Variants in ZBBX observed in about 807,000 individuals in gnomAD.
ZBBX encodes zinc finger B-box domain containing.
In ZBBX, 101 loss-of-function variants were observed where a neutral mutation model predicts 108.5. The ratio of observed to expected loss-of-function variants is 0.93; its 90% confidence interval spans 0.79 to 1.10. ZBBX has a LOEUF of 1.10. Ranked by LOEUF, ZBBX falls within the 50% of genes least tolerant of loss-of-function variation. ZBBX has a pLI of 0.00. For missense variants in ZBBX, 1,009 were observed against 941.4 expected, an observed-to-expected ratio of 1.07 and a Z score of -0.94; for synonymous variants, 356 against 323.4, an observed-to-expected ratio of 1.10 and a Z score of -1.08.
chr3:167,306,358 C>A (rs1733647082), intron 16 of ZBBX, among the ~76,000 whole-genome samples: 1 of 152,042 alleles, frequency 6.6e-6, no homozygotes, highest in African/African-American at 2.4e-5. Flanking sequence ...GCATGCCTAG[C>A]AATAAAGAGA....
intron 20 of ZBBX, among the ~76,000 whole-genome samples, chr3:167,256,787 C>T (rs1258576707): frequency 2.6e-5 from 4 of 152,082 alleles, no homozygotes; most frequent in Non-Finnish European, 5.9e-5. Context: ...ATCCAAGTTG[C>T]TGCAAATGAC....
At chr3:167,278,762 C>T (rs1022201048) in intron 20 of ZBBX, among the ~76,000 whole-genome samples, 2 of 150,722 alleles carry the variant, frequency 1.3e-5, no homozygotes, top group African/African-American at 2.4e-5. Context: ...AGGCCAGCAT[C>T]ATCCTGATAC....
intron 6 of ZBBX, among the ~76,000 whole-genome samples, chr3:167,361,546 G>A (rs1744508434): frequency 1.3e-5 from 2 of 152,034 alleles, no homozygotes; most frequent in South Asian, 4.1e-4. Flanking sequence ...TATATCTATG[G>A]CTGTAGCAAC....
At chr3:167,247,262 G>T (rs1353544595) in intron 20 of ZBBX, among the ~76,000 whole-genome samples, 1 of 152,134 alleles carries the variant, frequency 6.6e-6, no homozygotes, top group Non-Finnish European at 1.5e-5. Context: ...AAGCGATCAT[G>T]CTGGCAAAAG....
chr3:167,266,619 G>A (rs561626991), intron 20 of ZBBX, among the ~76,000 whole-genome samples: 27 of 152,232 alleles, frequency 1.8e-4, no homozygotes, highest in South Asian at 4.1e-4. Flanking sequence ...CCCAGCCCAC[G>A]GGGGAAGAAC....
intron 18 of ZBBX, among the ~76,000 whole-genome samples, chr3:167,292,143 C>T (rs1730805854): frequency 6.6e-6 from 1 of 152,094 alleles, no homozygotes; most frequent in Admixed American, 6.6e-5. Context: ...TTAGACAGAT[C>T]AATGAGACAG....
In ZBBX at chr3:167,248,587, T is replaced by C. The variant is rs530573260; in HGVS notation, c.2255-5944A>G. On this transcript the variant is annotated intron_variant, in intron 20 of 21. Coordinates refer to ENST00000675490, the MANE Select transcript of ZBBX (RefSeq NM_001199201.2). ...GCACATTTGAGACACTCTAAACAGA[T>C]ATAAACAGCCTCTAAAATACCTTTT... 754 of 456,454 alleles carry C rather than the reference T, an allele frequency of 1.7e-3. 4 individuals are homozygous for C. Among genetic ancestry groups the C allele is most frequent in the Non-Finnish European group, 2.8e-3 (633 of 226,914 alleles). 28.3% of individuals were successfully genotyped at this position (456,454 alleles called of 1,614,324 possible). A position where few individuals can be genotyped will look rare whatever the true frequency, so the allele number is the denominator to read the frequency against.
At chr3:167,357,247 A>G (rs1448018102) in intron 8 of ZBBX, among the ~76,000 whole-genome samples, 1 of 152,180 alleles carries the variant, frequency 6.6e-6, no homozygotes, top group African/African-American at 2.4e-5. Context: ...AGAAACAGAT[A>G]TCAATGTCAA....
intron 9 of ZBBX, among the ~76,000 whole-genome samples, chr3:167,345,284 T>C (rs189264069): frequency 1.3e-5 from 2 of 151,968 alleles, no homozygotes; most frequent in African/African-American, 2.4e-5. Context: ...GAAGATATGA[T>C]AGTCGATAGC....
intron 10 of ZBBX, among the ~76,000 whole-genome samples, chr3:167,328,665 C>CA (rs1737848737): frequency 6.6e-6 from 1 of 152,146 alleles, no homozygotes; most frequent in Non-Finnish European, 1.5e-5. Flanking sequence ...CAGCTAGTCT[C>CA]ACATTCTTGC....
the ZBBX span, among the ~76,000 whole-genome samples, chr3:167,210,787 A>G: frequency 4.6e-5 from 7 of 152,188 alleles, no homozygotes; most frequent in Non-Finnish European, 1.0e-4. Flanking sequence ...CTAAACCTAG[A>G]AAAGGCTGAA....
chr3:167,333,794 C>G, intron 10 of ZBBX, 33 bp downstream of exon 10: 1 of 1,523,606 alleles, frequency 6.6e-7, no homozygotes, highest in Admixed American at 2.1e-5. Flanking sequence ...TTACATATGT[C>G]AGAAAATGTC....
At chr3:167,211,736 G>A in the ZBBX span, among the ~76,000 whole-genome samples, 1 of 152,052 alleles carries the variant, frequency 6.6e-6, no homozygotes, top group African/African-American at 2.4e-5. Context: ...CTTTAAGCAG[G>A]TGCCTAATCT....
At chr3:167,384,032 T>C (rs1174681452), upstream of ZBBX, among the ~76,000 whole-genome samples, 2 of 152,116 alleles carry the variant, frequency 1.3e-5, no homozygotes, top group Non-Finnish European at 2.9e-5. Context: ...ACTTTGAATG[T>C]TACCCTATTC....
intron 8 of ZBBX, among the ~76,000 whole-genome samples, chr3:167,356,944 T>C (rs1743675738): frequency 6.6e-6 from 1 of 152,162 alleles, no homozygotes; most frequent in Non-Finnish European, 1.5e-5. Flanking sequence ...ATGAGGAAAC[T>C]GTGAGGGAAG....
At chr3:167,334,129 G>T in intron 9 of ZBBX, 144 bp from the exon 10 acceptor site, 3 of 604,768 alleles carry the variant, frequency 5.0e-6, no homozygotes, top group South Asian at 3.8e-5. Context: ...ATTGGCATTT[G>T]TATCAACAAG....
chr3:167,342,782 G>A (rs1351955011), intron 9 of ZBBX, among the ~76,000 whole-genome samples: 13 of 149,078 alleles, frequency 8.7e-5, no homozygotes, highest in Non-Finnish European at 1.9e-4. Flanking sequence ...CTGGTCCATG[G>A]TAAGTGTTAT....
intron 1 of ZBBX, among the ~76,000 whole-genome samples, chr3:167,399,742 A>G (rs1009754251): frequency 6.6e-6 from 1 of 152,150 alleles, no homozygotes; most frequent in Non-Finnish European, 1.5e-5. Flanking sequence ...ATGGATACAC[A>G]TGCTTGTTTG....
At chr3:167,270,329 C>T (rs1726303152) in intron 20 of ZBBX, among the ~76,000 whole-genome samples, 1 of 152,174 alleles carries the variant, frequency 6.6e-6, no homozygotes, top group African/African-American at 2.4e-5. Flanking sequence ...TAGTTGGATA[C>T]TGCCGCTTAT....
Sources: gnomAD v4.1 joint callset for allele counts (sites outside exome capture counted in the v4.1 genomes callset) on GRCh38, gnomAD v4.1.1 for gene constraint, MANE v1.5 for transcripts, NCBI Gene and HGNC (gene_info 2026-07-23, HGNC 2026-07-21) for gene names.